The following COL23A1 variants were observed in gnomAD, a reference collection of about 807,000 sequenced individuals.
COL23A1 encodes the protein collagen alpha-1(XXIII) chain.
A neutral mutation model predicts 99.3 loss-of-function variants in COL23A1; 97 were observed. The observed-to-expected ratio is 0.98, with a 90% CI of 0.83 to 1.16. The LOEUF is 1.16. Ranked by LOEUF, COL23A1 falls within the 50% of genes most tolerant of loss-of-function variation. COL23A1 has a pLI of 0.00. For missense variants in COL23A1, 762 were observed against 757.4 expected (o/e 1.01, Z -0.07); for synonymous variants, 320 against 308.2 (o/e 1.04, Z -0.40).
chr5:178,471,273 C>T (rs1331069774), intron 2 of COL23A1, among the ~76,000 whole-genome samples: 1 of 152,082 alleles, frequency 6.6e-6, no homozygotes, highest in African/African-American at 2.4e-5. Context: ...CAGAGTCTCG[C>T]TCTTGTCACC....
At chr5:178,274,714 A>G (rs1384673994) in intron 5 of COL23A1, among the ~76,000 whole-genome samples, 1 of 152,214 alleles carries the variant, frequency 6.6e-6, no homozygotes, top group African/African-American at 2.4e-5. Context: ...GTTTACCACC[A>G]GCTCACAGAG....
At chr5:178,411,666 T>A (rs1206243145) in intron 2 of COL23A1, among the ~76,000 whole-genome samples, 1 of 152,228 alleles carries the variant, frequency 6.6e-6, no homozygotes, top group Non-Finnish European at 1.5e-5. Flanking sequence ...TCAATGGGTA[T>A]AGGTTCTTTT....
chr5:178,580,548 T>A (rs990157801), intron 1 of COL23A1, among the ~76,000 whole-genome samples: 2 of 152,108 alleles, frequency 1.3e-5, no homozygotes, highest in Admixed American at 6.6e-5. Context: ...TGCGTGCCTA[T>A]GTCAACAGTT....
At position 178,239,170 on chromosome 5, in the gene COL23A1, C is replaced by T. The variant is rs377129986; in HGVS notation, c.1591G>A (p.Gly531Arg). 20 of 1,613,984 alleles carry T rather than the reference C, an allele frequency of 1.2e-5. No homozygotes were observed. The highest frequency in any genetic ancestry group is 1.6e-4 in the Middle Eastern group (1 of 6,084). ...TGCCAGCAGCCAGGCACAGGCAGCC[C>T]GTCGGGGCCCTGGAAAGGAAGAAGG... ...LDQPCPVGPD[G>R]LPVPGCWHK Residue 531 changes from glycine to arginine, a missense_variant, in exon 28 of 29, where the codon GGG becomes AGG. Coordinates refer to ENST00000390654, the MANE Select transcript of COL23A1 (RefSeq NM_173465.4).
chr5:178,566,096 C>T (rs1762829349), intron 1 of COL23A1, among the ~76,000 whole-genome samples: 1 of 152,058 alleles, frequency 6.6e-6, no homozygotes, highest in Non-Finnish European at 1.5e-5. Context: ...CATTGCACTC[C>T]AGCCTGGGCA....
chr5:178,402,698 G>A (rs1313369301), intron 2 of COL23A1, among the ~76,000 whole-genome samples: 3 of 151,748 alleles, frequency 2.0e-5, no homozygotes, highest in Non-Finnish European at 4.4e-5. Flanking sequence ...TACGGCCTGG[G>A]ACATAGCAAA....
At chr5:178,360,814 G>T (rs1182131569) in intron 2 of COL23A1, among the ~76,000 whole-genome samples, 1 of 152,204 alleles carries the variant, frequency 6.6e-6, no homozygotes, top group Non-Finnish European at 1.5e-5. Flanking sequence ...GGAACCGGGG[G>T]ACCCAAAGAG....
intron 2 of COL23A1, among the ~76,000 whole-genome samples, chr5:178,480,133 G>A (rs1198420866): frequency 1.3e-5 from 2 of 150,244 alleles, no homozygotes; most frequent in African/African-American, 2.5e-5. Context: ...TGTGGTGCAT[G>A]ATTGTACTCC....
intron 2 of COL23A1, among the ~76,000 whole-genome samples, chr5:178,559,389 CA>C (rs754702795): frequency 6.6e-6 from 1 of 152,196 alleles, no homozygotes; most frequent in African/African-American, 2.4e-5. Flanking sequence ...GGACCAATAA[CA>C]AAAGTCACCT....
intron 24 of COL23A1, 101 bp downstream of exon 24, chr5:178,246,153 G>A (rs1764680987): frequency 1.2e-6 from 1 of 803,878 alleles, no homozygotes; most frequent in Admixed American, 3.2e-5. Context: ...GCCCTGCGAA[G>A]TGCAGGGACC....
intron 2 of COL23A1, chr5:178,377,890 T>C (rs368716848): frequency 4.6e-5 from 7 of 152,226 alleles, no homozygotes; most frequent in South Asian, 2.1e-4. Flanking sequence ...GCAGGGGTCA[T>C]TGGGAGAAGG....
intron 2 of COL23A1, among the ~76,000 whole-genome samples, chr5:178,424,557 A>C (rs981322865): frequency 9.9e-5 from 15 of 152,234 alleles, no homozygotes; most frequent in Non-Finnish European, 1.6e-4. Context: ...AGGCAGTGCT[A>C]GGGCCAGGAC....
chr5:178,373,701 C>T (rs1235319466), intron 2 of COL23A1, among the ~76,000 whole-genome samples: 2 of 152,234 alleles, frequency 1.3e-5, no homozygotes, highest in Admixed American at 1.3e-4. Flanking sequence ...CAGGTGTGAG[C>T]CACCGTCCTT....
In COL23A1 at chr5:178,266,620, G is replaced by A. The variant is rs747305849; in HGVS notation, c.522+687C>T. Among the ~76,000 whole-genome samples the A allele has an allele frequency of 3.9e-4, 60 of 152,112 alleles. 1 individual carries two copies. Among genetic ancestry groups the A allele is most frequent in the Non-Finnish European group, 6.9e-4 (47 of 68,016 alleles). Reference sequence around the variant, plus strand: ...TCAGCAGCTAAAACTCAGCATGAGCGCCCTTTCTTTGACTGCAGAACAATC... The same window carrying A: ...TCAGCAGCTAAAACTCAGCATGAGCACCCTTTCTTTGACTGCAGAACAATC... On this transcript the variant is annotated intron_variant, in intron 8 of 28. Transcript: ENST00000390654.
intron 2 of COL23A1, among the ~76,000 whole-genome samples, chr5:178,492,158 T>C (rs887081802): frequency 6.6e-6 from 1 of 152,252 alleles, no homozygotes; most frequent in Non-Finnish European, 1.5e-5. Flanking sequence ...AAGTGCTCAA[T>C]ATTATTATTT....
rs1762404470 is a variant in COL23A1 at position 178,365,208 on chromosome 5, A to G, written c.362-58289T>C. Among the ~76,000 whole-genome samples, 1 of 151,740 alleles carries G rather than the reference A, an allele frequency of 6.6e-6. No individual in the cohort carries two copies. Among genetic ancestry groups the G allele is most frequent in the Non-Finnish European group, 1.5e-5 (1 of 67,976 alleles). ...AAATTGTTTTCCTGGGACTCCATCC[A>G]GGAACATTAGATATGGGGTCCAGCC... is the stretch of plus-strand genomic sequence containing the variant. On this transcript the variant is annotated intron_variant, in intron 2 of 28. Transcript: ENST00000390654. The surrounding 1 kb of genome is among the most constrained non-coding windows in gnomAD (Gnocchi z 5.2).
chr5:178,354,933 C>T (rs1211007158), intron 2 of COL23A1, among the ~76,000 whole-genome samples: 1 of 151,938 alleles, frequency 6.6e-6, no homozygotes, highest in Admixed American at 6.6e-5. Flanking sequence ...TGGTGTGAGC[C>T]TGTGGTCCCA....
intron 2 of COL23A1, among the ~76,000 whole-genome samples, chr5:178,526,548 G>A (rs1760320341): frequency 6.6e-6 from 1 of 152,196 alleles, no homozygotes. Flanking sequence ...GTAAACTCCA[G>A]AGCCCAGTAA....
At chr5:178,536,860 A>G (rs949425020) in intron 2 of COL23A1, among the ~76,000 whole-genome samples, 1 of 152,176 alleles carries the variant, frequency 6.6e-6, no homozygotes, top group African/African-American at 2.4e-5. Flanking sequence ...AGCTTTTGGC[A>G]GCCACAGCTC....
Sources: gnomAD v4.1 joint callset for allele counts (sites outside exome capture counted in the v4.1 genomes callset) on GRCh38, gnomAD v4.1.1 for gene constraint, Gnocchi (gnomAD v3.1) non-coding constraint, MANE v1.5 for transcripts, NCBI Gene and HGNC (gene_info 2026-07-23, HGNC 2026-07-21) for gene names.